RASAL2: variants seen among roughly 807,000 people sequenced by gnomAD.
The protein encoded by RASAL2 is RAS protein activator like 2, also known as ras GTPase-activating protein nGAP.
A neutral mutation model predicts 128.9 loss-of-function variants in RASAL2; 58 were observed. The ratio of observed to expected loss-of-function variants is 0.45; its 90% CI spans 0.36 to 0.56. The LOEUF (loss-of-function observed/expected upper bound fraction) is 0.56, where lower values mean the gene tolerates loss of function less well. Ranked by LOEUF, RASAL2 falls within the 20% of genes least tolerant of loss-of-function variation. The probability of loss-of-function intolerance (pLI) is 0.00; values close to 1 mark genes in which losing one functional copy is unlikely to be tolerated. For missense variants in RASAL2, 1,360 were observed against 1,601.6 expected (o/e 0.85, Z 2.57); for synonymous variants, 561 against 580.8 (o/e 0.97, Z 0.49).
chr1:178,373,172 C>A (rs1671804455), intron 3 of RASAL2, among the ~76,000 whole-genome samples: 1 of 151,408 alleles, frequency 6.6e-6, no homozygotes, highest in South Asian at 2.1e-4. Flanking sequence ...TAGTCTTCTG[C>A]CAGTCCAAAA....
At chr1:178,380,465 A>G (rs1346799995) in intron 3 of RASAL2, among the ~76,000 whole-genome samples, 1 of 152,106 alleles carries the variant, frequency 6.6e-6, no homozygotes, top group African/African-American at 2.4e-5. Context: ...TTTTGTATTA[A>G]ATTGAACTAT....
intron 1 of RASAL2, among the ~76,000 whole-genome samples, chr1:178,248,032 G>A (rs1210573427): frequency 6.6e-6 from 1 of 152,198 alleles, no homozygotes; most frequent in Non-Finnish European, 1.5e-5. Flanking sequence ...GTGCTGAGAA[G>A]AATGTATATT....
rs1001132554 is a variant in RASAL2, at chr1:178,456,801, A to T, written c.2292A>T (p.Gln764His). 1 of 1,614,076 alleles carries T rather than the reference A, an allele frequency of 6.2e-7. No homozygotes were observed. Among genetic ancestry groups the T allele is most frequent in the Admixed American group, 1.7e-5 (1 of 60,000 alleles). The change falls in exon 13 of 18, where the codon CAA (glutamine) becomes CAT (histidine). Residue 764 changes from glutamine (Q) to histidine (H), a missense_variant. Coordinates refer to ENST00000367649, the MANE Select transcript of RASAL2 (RefSeq NM_170692.4). ...CATTGACTAATCCTACGCCAATACA[A>T]CAGCAACTGAGACGCTTCACTGAAC... The part of the protein sequence containing the change: ...TKSLTNPTPI[Q>H]QQLRRFTEHN...
chr1:178,440,718 A>G (rs1255090770), intron 6 of RASAL2, among the ~76,000 whole-genome samples: 1 of 152,146 alleles, frequency 6.6e-6, no homozygotes, highest in Non-Finnish European at 1.5e-5. Flanking sequence ...TGCTAAGTAT[A>G]TAACAACATA....
rs140637162 is a variant in RASAL2, at chr1:178,323,672, A to G, written c.457+23554A>G. Among the ~76,000 whole-genome samples, 15 of 151,174 alleles carry G rather than the reference A, an allele frequency of 9.9e-5. No homozygotes were observed. The East Asian group carries it at 2.9e-3, about 29-fold the overall frequency. ...CCATAGTTGTGTTAGTGAGCAAGAT[A>G]TTTGTGTTTATTTTTAAGATTTTAT... is the stretch of plus-strand genomic sequence containing the variant. On this transcript the variant is annotated intron_variant, in intron 3 of 17. Transcript: ENST00000367649.
In RASAL2 at chr1:178,456,749, C is replaced by T. The variant is rs1677803414; in HGVS notation, c.2240C>T (p.Pro747Leu). ...ACCGTGGCAAAATTGGGGCCTCTCCCTCGTGTTCTTGCTGATATTACCAAG... is the reference window on the plus strand; with the variant it reads ...ACCGTGGCAAAATTGGGGCCTCTCCTTCGTGTTCTTGCTGATATTACCAAG... ...KATVAKLGPLPRVLADITKSL... is the reference protein window; with the variant it reads ...KATVAKLGPLLRVLADITKSL... Residue 747 changes from proline to leucine, a missense_variant, in exon 13 of 18, where the codon CCT (proline) becomes CTT (leucine). By Grantham distance (98) the Pro-to-Leu change is moderately conservative. Around this residue, in one of 3 missense-constraint regions of RASAL2, gnomAD observed 741 missense variants for 868.6 expected, o/e 0.85. Coordinates refer to ENST00000367649, the MANE Select transcript of RASAL2 (RefSeq NM_170692.4). 1 of 1,614,154 alleles carries T rather than the reference C, an allele frequency of 6.2e-7. No individual in the cohort carries two copies. Among genetic ancestry groups the T allele is most frequent in the African/African-American group, 1.3e-5 (1 of 75,026 alleles).
chr1:178,412,711 A>C (rs1196487081), intron 4 of RASAL2, among the ~76,000 whole-genome samples: 3 of 152,186 alleles, frequency 2.0e-5, no homozygotes, highest in Admixed American at 2.0e-4. Context: ...TAAATGCAAG[A>C]CTTCTTGTTT....
intron 1 of RASAL2, among the ~76,000 whole-genome samples, chr1:178,141,539 G>C (rs1660532768): frequency 6.6e-6 from 1 of 152,068 alleles, no homozygotes; most frequent in Admixed American, 6.6e-5. Context: ...AGCTAGTCCT[G>C]TCTCTCAGTA....
At chr1:178,417,205 T>C (rs969561066) in intron 4 of RASAL2, among the ~76,000 whole-genome samples, 1 of 152,158 alleles carries the variant, frequency 6.6e-6, no homozygotes, top group South Asian at 2.1e-4. Context: ...TTTGTTCTGC[T>C]TGCTTTTCAG....
intron 3 of RASAL2, among the ~76,000 whole-genome samples, chr1:178,363,511 G>A (rs370432384): frequency 1.5e-4 from 23 of 151,990 alleles, no homozygotes; most frequent in East Asian, 1.4e-3. Context: ...ACTTTTATCC[G>A]GTACCACACG....
intron 3 of RASAL2, among the ~76,000 whole-genome samples, chr1:178,314,620 G>A (rs953781185): frequency 4.0e-5 from 6 of 151,722 alleles, no homozygotes; most frequent in Non-Finnish European, 5.9e-5. Context: ...AAATTATTAT[G>A]TTTACAATAT....
intron 1 of RASAL2, among the ~76,000 whole-genome samples, chr1:178,168,063 T>A (rs1408152543): frequency 1.3e-5 from 2 of 152,076 alleles, no homozygotes; most frequent in East Asian, 3.9e-4. Flanking sequence ...TTAGCTTGAT[T>A]CATGGCACAA....
At chr1:178,230,416 T>C (rs1192536419) in intron 1 of RASAL2, among the ~76,000 whole-genome samples, 4 of 152,220 alleles carry the variant, frequency 2.6e-5, no homozygotes, top group Non-Finnish European at 4.4e-5. Context: ...CCATTACCAA[T>C]CATGAGAGTT....
intron 1 of RASAL2, among the ~76,000 whole-genome samples, chr1:178,258,235 A>G (rs1014207472): frequency 1.4e-5 from 2 of 147,022 alleles, no homozygotes; most frequent in Admixed American, 1.4e-4. Context: ...TGGAGTTTGC[A>G]GTGAGCCAAG....
intron 1 of RASAL2, among the ~76,000 whole-genome samples, chr1:178,245,078 T>C (rs1664709253): frequency 6.6e-6 from 1 of 152,352 alleles, no homozygotes; most frequent in South Asian, 2.1e-4. Flanking sequence ...TTATAATCCT[T>C]TGGGTATATA....
chr1:178,187,774 C>G (rs941727998), intron 1 of RASAL2, among the ~76,000 whole-genome samples: 1 of 151,948 alleles, frequency 6.6e-6, no homozygotes, highest in African/African-American at 2.4e-5. Context: ...TTTTACTTTT[C>G]TTTTTCTAAG....
At chr1:178,432,778 A>C (rs1676001559) in intron 5 of RASAL2, among the ~76,000 whole-genome samples, 1 of 152,032 alleles carries the variant, frequency 6.6e-6, no homozygotes, top group Non-Finnish European at 1.5e-5. Flanking sequence ...AGTGCCATCT[A>C]CTTCTTCCCC....
In RASAL2 at chr1:178,412,941, C is replaced by T. The variant is rs1674495208; in HGVS notation, c.565-7570C>T. On this transcript the variant is annotated intron_variant, in intron 4 of 17. Transcript: ENST00000367649. ...GGAAAGGAGGCATTTTGAAATGCAT[C>T]AGAGCTTTCTTTCTCTTTCTTTTTC... 1.3e-5 allele frequency among the ~76,000 whole-genome samples: 2 copies of T among 152,090 alleles called. 1 individual carries two copies. The highest frequency in any genetic ancestry group is 4.1e-4 in the South Asian group (2 of 4,824).
intron 1 of RASAL2, among the ~76,000 whole-genome samples, chr1:178,140,319 A>G (rs1660479565): frequency 6.6e-6 from 1 of 152,182 alleles, no homozygotes; most frequent in Admixed American, 6.6e-5. Flanking sequence ...GTTGCAGTTG[A>G]TGAACCAATA....
Sources: allele counts gnomAD v4.1 joint callset (sites outside exome capture counted in the v4.1 genomes callset), GRCh38; gene constraint gnomAD v4.1.1; regional missense constraint gnomAD v4.1.1; transcripts MANE v1.5; gene names NCBI Gene and HGNC (gene_info 2026-07-23, HGNC 2026-07-21).